The following CELF2 variants were observed in gnomAD, a reference collection of about 807,000 sequenced individuals.
The protein encoded by CELF2 is CUGBP Elav-like family member 2.
A neutral mutation model predicts 62.6 loss-of-function variants in CELF2; 8 were observed. That is an observed-to-expected ratio of 0.13 (90% CI 0.07 to 0.23). The LOEUF is 0.23. Ranked by LOEUF, CELF2 falls within the 10% of genes least tolerant of loss-of-function variation. The pLI is 1.00. For missense variants in CELF2, 333 were observed against 671.0 expected (o/e 0.50, Z 5.56); for synonymous variants, 258 against 250.0 (o/e 1.03, Z -0.30).
intron 1 of CELF2, among the ~76,000 whole-genome samples, chr10:11,040,885 T>C (rs2061727423): frequency 6.6e-6 from 1 of 152,206 alleles, no homozygotes; most frequent in Admixed American, 6.5e-5. Context: ...TTTAGCTCCA[T>C]CTCTGTGATA....
intron 8 of CELF2, among the ~76,000 whole-genome samples, chr10:11,276,631 A>C (rs1183713389): frequency 6.6e-6 from 1 of 152,210 alleles, no homozygotes; most frequent in Non-Finnish European, 1.5e-5. Context: ...CTTTTCTCGC[A>C]TAGTATGGAC....
the CELF2 span, among the ~76,000 whole-genome samples, chr10:10,616,791 T>C: frequency 6.6e-6 from 1 of 151,658 alleles, no homozygotes. Flanking sequence ...ATAATAATCA[T>C]AGCTCACTGC....
chr10:10,478,970 C>T, the CELF2 span, among the ~76,000 whole-genome samples: 1 of 152,122 alleles, frequency 6.6e-6, no homozygotes, highest in Non-Finnish European at 1.5e-5. Flanking sequence ...TTGATTTGTT[C>T]ATGCTTCAAT....
rs1278181768 is a variant in CELF2, at chr10:11,275,040, T to C, written c.778-17T>C. ...GCTCTCACCGTCTCCACTTTGCCCT[T>C]GTGTGTTCATCCGCAGCTCCTGCAG... On this transcript the variant is annotated splice_polypyrimidine_tract_variant and intron_variant, in intron 7 of 12. Coordinates refer to ENST00000633077, the MANE Select transcript of CELF2 (RefSeq NM_001326342.2). The C allele has an allele frequency of 9.9e-6, 16 of 1,613,816 alleles. No homozygotes were observed. Among genetic ancestry groups the C allele is most frequent in the Non-Finnish European group, 1.3e-5 (15 of 1,179,794 alleles).
Position 10,849,457 on chromosome 10 carries a change from A to C in CELF2, c.53+50640A>C, listed in dbSNP as rs867772058. Among the ~76,000 whole-genome samples, 4 of 152,116 alleles carry C rather than the reference A, an allele frequency of 2.6e-5. No homozygotes were observed. In the South Asian group the frequency reaches 8.3e-4, roughly 32 times the overall value. ...GTAAGAACAATACAAAGAATACTATACACTCTTTCCCCAGATTTCCTGTTT... is the reference window on the plus strand; with the variant it reads ...GTAAGAACAATACAAAGAATACTATCCACTCTTTCCCCAGATTTCCTGTTT... On this transcript the variant is annotated intron_variant, in intron 1 of 13. Transcript: ENST00000636488.
At chr10:10,855,973 G>A (rs189620676) in intron 1 of CELF2, among the ~76,000 whole-genome samples, 56 of 152,228 alleles carry the variant, frequency 3.7e-4, no homozygotes, top group African/African-American at 1.2e-3. Context: ...ATGTCAGTCT[G>A]GAGAAACCGG....
At chr10:10,881,353 T>C (rs1395769595) in intron 1 of CELF2, among the ~76,000 whole-genome samples, 1 of 152,220 alleles carries the variant, frequency 6.6e-6, no homozygotes, top group Non-Finnish European at 1.5e-5. Flanking sequence ...AATTCATGAG[T>C]AACTACCTAT....
intron 2 of CELF2, among the ~76,000 whole-genome samples, chr10:11,203,655 T>C (rs1354228067): frequency 6.6e-6 from 1 of 152,198 alleles, no homozygotes. Flanking sequence ...GTTAAGATCT[T>C]TTTTCTGTCT....
At chr10:10,572,992 TC>T in the CELF2 span, among the ~76,000 whole-genome samples, 1 of 152,182 alleles carries the variant, frequency 6.6e-6, no homozygotes, top group Non-Finnish European at 1.5e-5. Context: ...GTAAAAGCAT[TC>T]CTATTTCCCC....
At chr10:10,832,469 GC>G (rs2057949301) in intron 1 of CELF2, among the ~76,000 whole-genome samples, 1 of 152,092 alleles carries the variant, frequency 6.6e-6, no homozygotes, top group Admixed American at 6.5e-5. Flanking sequence ...ATTTTTAAAA[GC>G]CAGGAAATAG....
At chr10:10,789,047 G>A in the CELF2 span, 10 of 152,092 alleles carry the variant, frequency 6.6e-5, no homozygotes, top group African/African-American at 2.2e-4. Context: ...AAAGAAATAC[G>A]GGTGTTGTCG....
intron 1 of CELF2, among the ~76,000 whole-genome samples, chr10:11,070,811 G>A (rs1270953531): frequency 6.6e-6 from 1 of 152,198 alleles, no homozygotes; most frequent in Non-Finnish European, 1.5e-5. Context: ...CATAGCATCA[G>A]TTGCTACTAA....
At chr10:11,033,224 G>A (rs2060408379) in intron 1 of CELF2, among the ~76,000 whole-genome samples, 1 of 149,944 alleles carries the variant, frequency 6.7e-6, no homozygotes, top group African/African-American at 2.5e-5. Context: ...AATTCTTTCT[G>A]TGAATCACAA....
At chr10:11,033,741 C>T (rs1276505194) in intron 1 of CELF2, among the ~76,000 whole-genome samples, 1 of 152,154 alleles carries the variant, frequency 6.6e-6, no homozygotes, top group Non-Finnish European at 1.5e-5. Flanking sequence ...CCTACAGTGG[C>T]AAATTGATTC....
chr10:10,903,298 G>C (rs1327816625), intron 1 of CELF2, among the ~76,000 whole-genome samples: 1 of 152,198 alleles, frequency 6.6e-6, no homozygotes, highest in Non-Finnish European at 1.5e-5. Context: ...TCTGCTCCCA[G>C]GATGTCAGAT....
chr10:11,137,249 C>T (rs1046105438), intron 1 of CELF2, among the ~76,000 whole-genome samples: 20 of 152,288 alleles, frequency 1.3e-4, no homozygotes, highest in African/African-American at 3.6e-4. Flanking sequence ...AGAAGATCCT[C>T]GCTTGGGAGT....
intron 1 of CELF2, among the ~76,000 whole-genome samples, chr10:10,900,027 A>C (rs1391625258): frequency 4.6e-5 from 7 of 152,254 alleles, no homozygotes; most frequent in Non-Finnish European, 1.0e-4. Flanking sequence ...ACAAGTTTTC[A>C]AAACTCACTA....
At chr10:10,511,729 A>G in the CELF2 span, among the ~76,000 whole-genome samples, 69 of 152,284 alleles carry the variant, frequency 4.5e-4, no homozygotes, top group African/African-American at 1.6e-3. Flanking sequence ...CTCAACTATA[A>G]AATGTAAATA....
intron 1 of CELF2, among the ~76,000 whole-genome samples, chr10:11,063,313 C>G (rs1037610307): frequency 5.3e-5 from 8 of 152,196 alleles, no homozygotes; most frequent in African/African-American, 1.9e-4. Flanking sequence ...CATTTGATAT[C>G]TGAAGTGATT....
Sources: allele counts gnomAD v4.1 joint callset (sites outside exome capture counted in the v4.1 genomes callset), GRCh38; gene constraint gnomAD v4.1.1; transcripts MANE v1.5; gene names NCBI Gene and HGNC (gene_info 2026-07-23, HGNC 2026-07-21).